The following WDR88 variants were observed in gnomAD, a reference collection of about 807,000 sequenced individuals.
The protein encoded by WDR88 is WD repeat domain 88.
A neutral mutation model predicts 46.8 loss-of-function variants in WDR88; 40 were observed. The observed-to-expected ratio is 0.86, with a 90% CI of 0.66 to 1.11. The LOEUF is 1.11. WDR88 is among the 50% of genes most tolerant of loss of function. The pLI, the probability that WDR88 is intolerant of heterozygous loss-of-function variation, is 0.00. For synonymous variants in WDR88, 235 were observed against 240.7 expected (o/e 0.98, Z 0.22); for missense variants, 562 against 602.4 (o/e 0.93, Z 0.70).
intron 2 of WDR88, among the ~76,000 whole-genome samples, chr19:33,143,384 C>T (rs1599885377): frequency 6.8e-6 from 1 of 147,144 alleles, no homozygotes; most frequent in East Asian, 2.0e-4. Flanking sequence ...TGAGTCACGC[C>T]TGTAATCCCA....
At chr19:33,150,460 A>T (rs980083585) in intron 5 of WDR88, among the ~76,000 whole-genome samples, 3 of 152,224 alleles carry the variant, frequency 2.0e-5, no homozygotes. Flanking sequence ...AAAATAAAAA[A>T]ATCATTCATT....
chr19:33,148,792 C>T lies in WDR88; in HGVS notation c.561C>T (p.Thr187=). Residue 187 remains threonine, a synonymous_variant, in exon 5 of 11, where the codon ACC becomes ACT. Transcript: ENST00000355868. ...TTCAGTGGAAGGTCAGGTATGATACCTTCATCGTCTCCTGTAAGTTTTCTC... is the reference window on the plus strand; with the variant it reads ...TTCAGTGGAAGGTCAGGTATGATACTTTCATCGTCTCCTGTAAGTTTTCTC... ...GKLLWKVRYD[T]FIVSCKFSPD... 1.2e-6 allele frequency: 2 copies of T among 1,614,140 alleles called. No homozygotes were observed. Among genetic ancestry groups the T allele is most frequent in the Non-Finnish European group, 8.5e-7 (1 of 1,180,030 alleles).
At chr19:33,137,922 C>T in intron 2 of WDR88, 135 bp downstream of exon 2, 1 of 691,410 alleles carries the variant, frequency 1.4e-6, no homozygotes, top group South Asian at 2.0e-5. Flanking sequence ...AGCAAAGTGC[C>T]AGAAGGAGGA....
rs1304916471 is a variant in WDR88, at chr19:33,141,690, GT to G, written c.388-3147del. Reference sequence around the variant, plus strand: ...GGGGAAAAGGGTTTTTTGTTTGTTTGTTTTTTTGAGATGGCGTTTTGCTCTT... The same window carrying G: ...GGGGAAAAGGGTTTTTTGTTTGTTTGTTTTTTGAGATGGCGTTTTGCTCTT... On this transcript the variant is annotated intron_variant, in intron 2 of 10. Coordinates refer to ENST00000355868, the MANE Select transcript of WDR88 (RefSeq NM_173479.4). 2.0e-5 allele frequency among the ~76,000 whole-genome samples: 3 copies of G among 152,096 alleles called. No individual in the cohort carries two copies. The East Asian group carries it at 5.8e-4, about 29-fold the overall frequency.
chr19:33,175,483 A>T lies in WDR88; in HGVS notation c.1330A>T (p.Thr444Ser). ...CCAATGCGTGTTCTGCCGGATAGAT[A>T]CAAGGGGCTTGCCAGCAGATACTTC... Reference protein sequence around the residue: ...FTQCVFCRIDTRGLPADTSSS... With the variant: ...FTQCVFCRIDSRGLPADTSSS... The change falls in exon 11 of 11, where the codon ACA (threonine) becomes TCA (serine). Residue 444 changes from threonine to serine, a missense_variant. Coordinates refer to ENST00000355868, the MANE Select transcript of WDR88 (RefSeq NM_173479.4). 6.2e-7 allele frequency: 1 copy of T among 1,614,208 alleles called. No individual in the cohort carries two copies. The highest frequency in any genetic ancestry group is 8.5e-7 in the Non-Finnish European group (1 of 1,180,040).
intron 9 of WDR88, among the ~76,000 whole-genome samples, chr19:33,168,584 C>CTA (rs1258066974): frequency 3.9e-5 from 6 of 152,052 alleles, no homozygotes; most frequent in Non-Finnish European, 7.4e-5. Context: ...ACAATTAATA[C>CTA]TATAAAGTAT....
At chr19:33,159,018 A>C (rs1973815039) in intron 7 of WDR88, among the ~76,000 whole-genome samples, 1 of 151,758 alleles carries the variant, frequency 6.6e-6, no homozygotes, top group Non-Finnish European at 1.5e-5. Context: ...GCTTTTTGTT[A>C]GTGATTTTGC....
At chr19:33,149,722 G>C (rs964361640) in intron 5 of WDR88, among the ~76,000 whole-genome samples, 3 of 151,504 alleles carry the variant, frequency 2.0e-5, no homozygotes, top group East Asian at 1.9e-4. Flanking sequence ...GTAGTGGTGC[G>C]ATCTCGGGTC....
At chr19:33,153,621 A>G (rs1973678883) in intron 6 of WDR88, among the ~76,000 whole-genome samples, 1 of 152,070 alleles carries the variant, frequency 6.6e-6, no homozygotes, top group South Asian at 2.1e-4. Flanking sequence ...CAGCCTCCCG[A>G]GTAGGTGGGA....
At chr19:33,148,498 T>C (rs773231417) in intron 4 of WDR88, among the ~76,000 whole-genome samples, 28 of 152,162 alleles carry the variant, frequency 1.8e-4, no homozygotes, top group Non-Finnish European at 3.7e-4. Context: ...TGGAACACAG[T>C]GGCGCCATCG....
chr19:33,152,803 T>C lies in WDR88; in HGVS notation c.809+1493T>C, dbSNP rs376219442. Among the ~76,000 whole-genome samples the C allele has an allele frequency of 2.6e-4, 39 of 152,216 alleles. 2 individuals are homozygous for C. The East Asian group carries it at 6.6e-3, about 26-fold the overall frequency. ...TATTAGTAGAGACGGGGTTTCATCA[T>C]GTTGGCCAGGCTGGTCTCAAACTCC... On this transcript the variant is annotated intron_variant, in intron 6 of 10. Transcript: ENST00000355868.
intron 6 of WDR88, among the ~76,000 whole-genome samples, chr19:33,155,368 T>C (rs1179984145): frequency 6.6e-6 from 1 of 152,186 alleles, no homozygotes; most frequent in Non-Finnish European, 1.5e-5. Context: ...GTCAAAATCC[T>C]GGGCTCAAGC....
chr19:33,142,851 CAAAAAAAAAAA>C (rs74174644), intron 2 of WDR88: 13 of 19,534 alleles, frequency 6.7e-4, no homozygotes, highest in Admixed American at 3.0e-3. Flanking sequence ...ACTAAAAATA[CAAAAAAAAAAA>C]AAAAAAAAAA....
chr19:33,169,379 T>C (rs1974000715), intron 9 of WDR88, among the ~76,000 whole-genome samples: 1 of 152,014 alleles, frequency 6.6e-6, no homozygotes. Flanking sequence ...ATAAAGAACT[T>C]CGAAAACTCA....
At chr19:33,156,186 G>A (rs540928293) in intron 6 of WDR88, among the ~76,000 whole-genome samples, 169 bp from the exon 7 acceptor site, 1 of 152,342 alleles carries the variant, frequency 6.6e-6, no homozygotes, top group East Asian at 1.9e-4. Context: ...GAGCTCACAG[G>A]AGATGCTGAC....
intron 6 of WDR88, among the ~76,000 whole-genome samples, chr19:33,154,380 C>T (rs1973694999): frequency 6.6e-6 from 1 of 152,052 alleles, no homozygotes; most frequent in African/African-American, 2.4e-5. Flanking sequence ...CACTTGCCTC[C>T]CACCCCCTGA....
chr19:33,175,592 G>A lies in WDR88; in HGVS notation c.*20G>A. On this transcript the variant is annotated 3_prime_UTR_variant, in exon 11 of 11. Coordinates refer to ENST00000355868, the MANE Select transcript of WDR88 (RefSeq NM_173479.4). ...GACTGACAGCCACAGGCCCCTTTGA[G>A]TGACTCCAGCACAGGCTACCTAGCA... 2 of 1,613,810 alleles carry A rather than the reference G, an allele frequency of 1.2e-6. No individual in the cohort carries two copies. Among genetic ancestry groups the A allele is most frequent in the South Asian group, 1.1e-5 (1 of 91,070 alleles).
At chr19:33,138,093 A>G (rs1351624323) in intron 2 of WDR88, among the ~76,000 whole-genome samples, 2 of 151,644 alleles carry the variant, frequency 1.3e-5, no homozygotes, top group Admixed American at 1.3e-4. Flanking sequence ...CTGGAGTGCA[A>G]TGGCGTGATC....
chr19:33,152,234 A>AATATATATATATATATATAT (rs58282641), intron 6 of WDR88, among the ~76,000 whole-genome samples: 8 of 147,490 alleles, frequency 5.4e-5, no homozygotes, highest in African/African-American at 1.2e-4. Context: ...TCTGTCTCAA[A>AATATATATATATATATATAT]ATATATATAT....
Sources: allele counts gnomAD v4.1 joint callset (sites outside exome capture counted in the v4.1 genomes callset), GRCh38; gene constraint gnomAD v4.1.1; transcripts MANE v1.5; gene names NCBI Gene and HGNC (gene_info 2026-07-23, HGNC 2026-07-21).